The following GLIS1 variants were observed in gnomAD, a reference collection of about 807,000 sequenced individuals.
GLIS1 encodes the protein GLIS family zinc finger 1.
In GLIS1, 24 loss-of-function variants were observed where a neutral mutation model predicts 63.8. The observed-to-expected ratio is 0.38, with a 90% CI of 0.27 to 0.53. The LOEUF (loss-of-function observed/expected upper bound fraction) is 0.53. Among genes scored for constraint, GLIS1 ranks in the 20% least tolerant of loss-of-function variants. GLIS1 has a pLI of 0.85. For missense variants in GLIS1, 1,036 were observed against 1,074.1 expected, an observed-to-expected ratio of 0.96 and a Z score of 0.50; for synonymous variants, 450 against 482.5, an observed-to-expected ratio of 0.93 and a Z score of 0.88.
At chr1:53,737,640 C>A (rs957069141) in intron 2 of GLIS1, among the ~76,000 whole-genome samples, 166 bp downstream of exon 2, 1 of 152,252 alleles carries the variant, frequency 6.6e-6, no homozygotes, top group Non-Finnish European at 1.5e-5. Flanking sequence ...AGATGCTTCG[C>A]AAAGCAGGCA....
intron 4 of GLIS1, among the ~76,000 whole-genome samples, chr1:53,590,556 C>T (rs1004406224): frequency 2.0e-5 from 3 of 152,084 alleles, no homozygotes; most frequent in Admixed American, 1.3e-4. Context: ...ATCAGAATTC[C>T]GGCCGTCTGG....
In GLIS1 at chr1:53,526,004, G is replaced by A. The variant is rs1644464647; in HGVS notation, c.1483-1117C>T. Reference sequence around the variant, plus strand: ...TAATTGAATCCCAATCTCTCCCAAGGCTTCCACAGGACCCTGCTTGAGGAC... The same window carrying A: ...TAATTGAATCCCAATCTCTCCCAAGACTTCCACAGGACCCTGCTTGAGGAC... On this transcript the variant is annotated intron_variant, in intron 5 of 10. Transcript: ENST00000628545. This position sits in a 1 kb window ranked among gnomAD's most constrained non-coding sequence, Gnocchi z 4.4. Among the ~76,000 whole-genome samples the A allele has an allele frequency of 6.6e-6, 1 of 152,168 alleles. No individual in the cohort carries two copies. Among genetic ancestry groups the A allele is most frequent in the Non-Finnish European group, 1.5e-5 (1 of 68,028 alleles).
At chr1:53,720,713 T>G (rs1646745377) in intron 2 of GLIS1, among the ~76,000 whole-genome samples, 1 of 152,214 alleles carries the variant, frequency 6.6e-6, no homozygotes, top group Non-Finnish European at 1.5e-5. Flanking sequence ...TCATTACACG[T>G]TGTATGCATG....
intron 2 of GLIS1, among the ~76,000 whole-genome samples, chr1:53,636,974 C>A (rs1382926842): frequency 6.6e-6 from 1 of 152,230 alleles, no homozygotes; most frequent in Admixed American, 6.5e-5. Context: ...TAGCCCCTCA[C>A]GTACAACAGG....
At chr1:53,546,136 A>T (rs145750969) in intron 4 of GLIS1, among the ~76,000 whole-genome samples, 1 of 152,344 alleles carries the variant, frequency 6.6e-6, no homozygotes, top group East Asian at 1.9e-4. Context: ...GCCTCCTCGC[A>T]GGGTGACGCC....
intron 2 of GLIS1, among the ~76,000 whole-genome samples, chr1:53,714,614 G>A (rs2186041): frequency 0.26 from 38,960 of 152,176 alleles, 5,283 homozygotes; most frequent in African/African-American, 0.35. Context: ...CATCAAAACT[G>A]GGGCTCACAT....
chr1:53,652,929 G>A (rs1443950519), intron 2 of GLIS1, among the ~76,000 whole-genome samples: 1 of 152,176 alleles, frequency 6.6e-6, no homozygotes, highest in African/African-American at 2.4e-5. Flanking sequence ...CTGCAAGTGG[G>A]GATGATGAGA....
At position 53,594,731 on chromosome 1, in the gene GLIS1, G is replaced by A. The variant is rs61741984; in HGVS notation, c.697C>T (p.Pro233Ser). ...GLGLQPETHL[P>S]EGSLKRCCVL... ...CAGCACCGCTTCAGGCTGCCCTCGG[G>A]GAGGTGGGTCTCGGGCTGGAGGCCC... Residue 233 changes from proline (P) to serine (S), a missense_variant, in exon 4 of 11, where the codon CCC (proline) becomes TCC (serine). By Grantham distance (74) the Pro-to-Ser change is moderately conservative. Coordinates refer to ENST00000628545, the MANE Select transcript of GLIS1 (RefSeq NM_001367484.1). 6.2e-4 allele frequency: 979 copies of A among 1,570,412 alleles called. 8 individuals are homozygous for A. The Middle Eastern group carries it at 0.015, about 25-fold the overall frequency.
chr1:53,679,951 G>C (rs909663465), intron 2 of GLIS1, among the ~76,000 whole-genome samples: 1 of 152,136 alleles, frequency 6.6e-6, no homozygotes, highest in Non-Finnish European at 1.5e-5. Flanking sequence ...TGTTCCTGTG[G>C]CACCCAGGGT....
chr1:53,661,763 C>T (rs1646031345), intron 2 of GLIS1, among the ~76,000 whole-genome samples: 1 of 152,188 alleles, frequency 6.6e-6, no homozygotes, highest in Non-Finnish European at 1.5e-5. Flanking sequence ...GCCTACCGCA[C>T]GGCAAGTAGC....
At chr1:53,709,444 T>C (rs953229125) in intron 2 of GLIS1, among the ~76,000 whole-genome samples, 2 of 76,428 alleles carry the variant, frequency 2.6e-5, no homozygotes, top group Non-Finnish European at 3.0e-5. Flanking sequence ...ACACACACAC[T>C]TGTTGATGGT....
At chr1:53,697,041 G>GGA (rs199545833) in intron 2 of GLIS1, among the ~76,000 whole-genome samples, 2,358 of 152,278 alleles carry the variant, frequency 0.015, 59 homozygotes, top group African/African-American at 0.05. Context: ...CATATTCACT[G>GGA]GGTGGATTCA....
intron 2 of GLIS1, among the ~76,000 whole-genome samples, chr1:53,628,038 G>A (rs985369778): frequency 1.3e-5 from 2 of 152,228 alleles, no homozygotes; most frequent in African/African-American, 4.8e-5. Context: ...ACCTGGGGGA[G>A]AGGGAGAGAC....
chr1:53,670,778 A>G (rs1646142657), intron 2 of GLIS1, among the ~76,000 whole-genome samples: 1 of 152,206 alleles, frequency 6.6e-6, no homozygotes, highest in Admixed American at 6.5e-5. Flanking sequence ...TGCCTTGTTC[A>G]TCTCTGCTCT....
intron 2 of GLIS1, among the ~76,000 whole-genome samples, chr1:53,623,527 G>C (rs758407753): frequency 6.6e-6 from 1 of 152,138 alleles, no homozygotes; most frequent in South Asian, 2.1e-4. Context: ...ATTATTATTA[G>C]ATGTCTTAGC....
intron 2 of GLIS1, among the ~76,000 whole-genome samples, chr1:53,721,125 A>C (rs1278214862): frequency 2.0e-5 from 3 of 152,070 alleles, no homozygotes; most frequent in Admixed American, 2.0e-4. Context: ...AAAATAAATA[A>C]AAATCATGTA....
chr1:53,534,192 A>G (rs1644559952), intron 4 of GLIS1, among the ~76,000 whole-genome samples: 1 of 151,966 alleles, frequency 6.6e-6, no homozygotes, highest in African/African-American at 2.4e-5. Context: ...GAATGGATGC[A>G]TGGGGCTTGT....
At chr1:53,524,994 G>A (rs1341901361) in intron 5 of GLIS1, 107 bp from the exon 6 acceptor site, 1 of 816,464 alleles carries the variant, frequency 1.2e-6, no homozygotes, top group African/African-American at 1.7e-5. Flanking sequence ...GCTGGCTGCA[G>A]GCCAAGAGTA....
rs915973867 is a variant in GLIS1 at position 53,574,278 on chromosome 1, C to T, written c.1320+19830G>A. Among the ~76,000 whole-genome samples the T allele has an allele frequency of 6.6e-6, 1 of 152,230 alleles. No individual in the cohort carries two copies. The highest frequency in any genetic ancestry group is 1.5e-5 in the Non-Finnish European group (1 of 68,048). On this transcript the variant is annotated intron_variant, in intron 4 of 10. Coordinates refer to ENST00000628545, the MANE Select transcript of GLIS1 (RefSeq NM_001367484.1). The surrounding 1 kb of genome is among the most constrained non-coding windows in gnomAD (Gnocchi z 4.2). ...CACTGCCCCATCCAGCCTGCCTTCA[C>T]CTCAGGTCCCATTCACTGCTCTGTC...
Sources: allele counts gnomAD v4.1 joint callset (sites outside exome capture counted in the v4.1 genomes callset), GRCh38; gene constraint gnomAD v4.1.1; non-coding constraint Gnocchi (gnomAD v3.1); transcripts MANE v1.5; gene names NCBI Gene and HGNC (gene_info 2026-07-23, HGNC 2026-07-21).